The following PDCD6IP variants were observed in gnomAD, a reference collection of about 807,000 sequenced individuals.
The protein encoded by PDCD6IP is programmed cell death 6-interacting protein.
Under a neutral mutation model 103.7 loss-of-function variants are expected in PDCD6IP, and 43 were observed. The observed-to-expected ratio is 0.41, with a 90% CI of 0.32 to 0.53. The LOEUF (loss-of-function observed/expected upper bound fraction) is 0.53. PDCD6IP is among the 20% of genes least tolerant of loss of function. The probability of loss-of-function intolerance (pLI) is 0.16; values close to 1 mark genes in which losing one functional copy is unlikely to be tolerated. For missense variants in PDCD6IP, 871 were observed against 1,036.7 expected (o/e 0.84, Z 2.20); for synonymous variants, 354 against 378.7 (o/e 0.93, Z 0.76).
intron 7 of PDCD6IP, chr3:33,835,219 G>T (rs773604256): frequency 1.3e-5 from 6 of 456,310 alleles, no homozygotes; most frequent in South Asian, 6.2e-5. Context: ...TTGACATGTT[G>T]TTCACTTCCT....
intron 3 of PDCD6IP, among the ~76,000 whole-genome samples, chr3:33,816,372 C>T (rs148234198): frequency 1.1e-4 from 17 of 151,864 alleles, no homozygotes; most frequent in Non-Finnish European, 1.8e-4. Flanking sequence ...GGTATAGTGG[C>T]GCACGCCTTG....
chr3:33,812,964 A>C (rs944675299), intron 2 of PDCD6IP, among the ~76,000 whole-genome samples: 6 of 151,864 alleles, frequency 4.0e-5, no homozygotes, highest in African/African-American at 1.5e-4. Flanking sequence ...AATGAGGTTT[A>C]TTTCTTTCTA....
At chr3:33,817,916 GAT>G (rs1696890934) in intron 3 of PDCD6IP, among the ~76,000 whole-genome samples, 1 of 151,804 alleles carries the variant, frequency 6.6e-6, no homozygotes. Context: ...AGGAAAAAAA[GAT>G]AAAATAGCTC....
At chr3:33,816,359 C>G (rs1696850223) in intron 3 of PDCD6IP, among the ~76,000 whole-genome samples, 1 of 151,898 alleles carries the variant, frequency 6.6e-6, no homozygotes, top group Admixed American at 6.6e-5. Flanking sequence ...ACAAAATTAG[C>G]CAGGTATAGT....
chr3:33,841,908 C>G lies in PDCD6IP; in HGVS notation c.1193C>G (p.Ser398Cys), dbSNP rs1213357989. The G allele has an allele frequency of 1.3e-5, 21 of 1,569,708 alleles. No homozygotes were observed. The highest frequency in any genetic ancestry group is 1.7e-5 in the Non-Finnish European group (20 of 1,150,448). The change falls in exon 10 of 18, where the codon TCC (serine) becomes TGC (cysteine). Residue 398 changes from serine to cysteine, a missense_variant. Ser to Cys is a moderately radical substitution (Grantham distance 112). This residue lies in a region of PDCD6IP where 266 missense variants were observed against 390.5 expected (regional missense o/e 0.68). Transcript: ENST00000307296. ...ATTLANGVLA[S>C]LNLPAAIEDV... ...TCTCATTTTTTCAGGGTGCTAGCTT[C>G]CCTTAATCTTCCAGCAGCAATTGAA...
intron 3 of PDCD6IP, among the ~76,000 whole-genome samples, chr3:33,817,559 G>C (rs932761060): frequency 2.6e-5 from 4 of 152,198 alleles, no homozygotes; most frequent in Non-Finnish European, 4.4e-5. Context: ...TACAAGACCA[G>C]CTTGGGGAAC....
chr3:33,809,183 TTTTTGC>T (rs1476407218), intron 1 of PDCD6IP, among the ~76,000 whole-genome samples: 1 of 150,242 alleles, frequency 6.7e-6, no homozygotes, highest in Non-Finnish European at 1.5e-5. Flanking sequence ...CTATATAATA[TTTTTGC>T]TTTTTTGTCT....
intron 16 of PDCD6IP, 73 bp from the exon 17 acceptor site, chr3:33,865,170 T>TATTAATTTTAATTAATAGCA (rs1698035187): frequency 9.3e-7 from 1 of 1,072,020 alleles, no homozygotes. Flanking sequence ...CATATGTCCT[T>TATTAATTTTAATTAATAGCA]ATTAATTTTA....
intron 4 of PDCD6IP, among the ~76,000 whole-genome samples, chr3:33,824,647 CAA>C (rs1236892133): frequency 1.3e-5 from 2 of 152,126 alleles, no homozygotes; most frequent in Non-Finnish European, 2.9e-5. Flanking sequence ...TTAGTATTAA[CAA>C]AATATAATTG....
chr3:33,824,186 A>T (rs1397349782), intron 4 of PDCD6IP, among the ~76,000 whole-genome samples: 1 of 152,084 alleles, frequency 6.6e-6, no homozygotes, highest in South Asian at 2.1e-4. Flanking sequence ...CTGCAGAAAC[A>T]TGCTGTTCAT....
intron 1 of PDCD6IP, among the ~76,000 whole-genome samples, chr3:33,805,336 CAG>C (rs1361244041): frequency 6.9e-6 from 1 of 144,090 alleles, no homozygotes; most frequent in Non-Finnish European, 1.5e-5. Flanking sequence ...GCCTGGGCGA[CAG>C]AGTGAGATTC....
intron 1 of PDCD6IP, among the ~76,000 whole-genome samples, chr3:33,803,213 T>G (rs944990725): frequency 1.3e-5 from 2 of 152,250 alleles, no homozygotes; most frequent in African/African-American, 4.8e-5. Flanking sequence ...GGAACTTGTT[T>G]GCATTTTCAG....
Position 33,866,432 on chromosome 3 carries a change from C to G in PDCD6IP, c.2514C>G (p.His838Gln), listed in dbSNP as rs148349388. The G allele has an allele frequency of 6.8e-6, 11 of 1,611,370 alleles. No individual in the cohort carries two copies. The African/African-American group carries it at 1.5e-4, about 22-fold the overall frequency. The change falls in exon 18 of 18, where the codon CAC (histidine) becomes CAG (glutamine). Residue 838 changes from histidine (H) to glutamine (Q), a missense_variant. His to Gln is a conservative substitution (Grantham distance 24). Coordinates refer to ENST00000307296, the MANE Select transcript of PDCD6IP (RefSeq NM_013374.6). Reference protein sequence around the residue: ...QYNMPYPPVYHQSPGQAPYPG... With the variant: ...QYNMPYPPVYQQSPGQAPYPG... ...ATATGCCATATCCACCAGTGTATCA[C>G]CAGAGTCCTGGACAGGCTCCATACC...
At chr3:33,860,222 A>G (rs1697922073) in intron 15 of PDCD6IP, among the ~76,000 whole-genome samples, 1 of 152,190 alleles carries the variant, frequency 6.6e-6, no homozygotes. Context: ...GTTTGTTGTA[A>G]ACAAGTATAT....
chr3:33,857,760 A>G (rs1369272938), intron 15 of PDCD6IP, among the ~76,000 whole-genome samples: 1 of 152,122 alleles, frequency 6.6e-6, no homozygotes, highest in Non-Finnish European at 1.5e-5. Context: ...ATAAGAATAG[A>G]TAGAAGATAG....
At chr3:33,865,526 G>A in intron 17 of PDCD6IP, 96 bp downstream of exon 17, 2 of 975,164 alleles carry the variant, frequency 2.1e-6, no homozygotes, top group East Asian at 3.1e-5. Context: ...TCCAAATGGA[G>A]GTGTCATGAA....
rs1007840621 is a variant in PDCD6IP at position 33,804,515 on chromosome 3, A to G, written c.209+5578A>G. ...GTCCCTGGTCTCAAGGAATATCTGT[A>G]ATTGGCAGACCTTTTTGGCTCCGTA... On this transcript the variant is annotated intron_variant, in intron 1 of 17. Coordinates refer to ENST00000307296, the MANE Select transcript of PDCD6IP (RefSeq NM_013374.6). Among the ~76,000 whole-genome samples, 9 of 152,382 alleles carry G rather than the reference A, an allele frequency of 5.9e-5. No homozygotes were observed. The East Asian group carries it at 1.5e-3, about 26-fold the overall frequency.
chr3:33,838,731 C>A (rs1400601607), intron 9 of PDCD6IP, among the ~76,000 whole-genome samples: 1 of 151,446 alleles, frequency 6.6e-6, no homozygotes, highest in African/African-American at 2.4e-5. Context: ...ATTCTAAGTG[C>A]ACAGTTCAAT....
At chr3:33,803,694 G>T (rs1185629282) in intron 1 of PDCD6IP, among the ~76,000 whole-genome samples, 1 of 152,012 alleles carries the variant, frequency 6.6e-6, no homozygotes, top group Admixed American at 6.6e-5. Flanking sequence ...CATGTGTTAT[G>T]TGTGATTTTC....
Sources: gnomAD v4.1 joint callset for allele counts (sites outside exome capture counted in the v4.1 genomes callset) on GRCh38, gnomAD v4.1.1 for gene constraint, gnomAD v4.1.1 regional missense constraint, MANE v1.5 for transcripts, NCBI Gene and HGNC (gene_info 2026-07-23, HGNC 2026-07-21) for gene names.